Variants in SVEP1 observed in about 807,000 individuals in gnomAD.
SVEP1 encodes sushi, von Willebrand factor type A, EGF and pentraxin domain containing 1.
In SVEP1, 164 loss-of-function variants were observed where a neutral mutation model predicts 367.3. That is an observed-to-expected ratio of 0.45 (90% confidence interval 0.39 to 0.51). SVEP1 has a LOEUF of 0.51. Ranked by LOEUF, SVEP1 falls within the 20% of genes least tolerant of loss-of-function variation. The pLI is 0.00. For missense variants in SVEP1, 4,117 were observed against 4,425.3 expected (o/e 0.93, Z 1.98); for synonymous variants, 1,666 against 1,611.6 (o/e 1.03, Z -0.81).
At chr9:110,397,879 G>A (rs927988842) in intron 40 of SVEP1, among the ~76,000 whole-genome samples, 1 of 152,132 alleles carries the variant, frequency 6.6e-6, no homozygotes, top group African/African-American at 2.4e-5. Context: ...CATGCTCATG[G>A]GTAGGAAGAA....
intron 44 of SVEP1, among the ~76,000 whole-genome samples, chr9:110,377,914 C>T (rs552936798): frequency 7.6e-6 from 1 of 131,858 alleles, no homozygotes; most frequent in Admixed American, 7.7e-5. Flanking sequence ...CTACTCTCTG[C>T]TTCTATGAGT....
intron 5 of SVEP1, among the ~76,000 whole-genome samples, chr9:110,504,020 TTTTTATTTTA>T (rs36224388): frequency 9.4e-4 from 139 of 148,536 alleles, no homozygotes; most frequent in Non-Finnish European, 1.1e-3. Context: ...GCTTTTTATT[TTTTTATTTTA>T]TTTTATTTTA....
chr9:110,407,667 A>G lies in SVEP1; in HGVS notation c.7933T>C (p.Tyr2645His), dbSNP rs1588038511. ...TGATAAGGAGGGTGAGGAGTCACAT[A>G]TGGAACTTCCATCATGTCGTCTTCT... ...EQEDDMMEVPYVTPHPPYHLG... is the reference protein window; with the variant it reads ...EQEDDMMEVPHVTPHPPYHLG... The change falls in exon 38 of 48, where the codon TAT becomes CAT. Residue 2645 changes from tyrosine to histidine, a missense_variant. By Grantham distance (83) the Tyr-to-His change is moderately conservative (BLOSUM62 2). Coordinates refer to ENST00000374469, the MANE Select transcript of SVEP1 (RefSeq NM_153366.4). 1 of 1,613,988 alleles carries G rather than the reference A, an allele frequency of 6.2e-7. No individual in the cohort carries two copies. Among genetic ancestry groups the G allele is most frequent in the Non-Finnish European group, 8.5e-7 (1 of 1,179,890 alleles).
At chr9:110,459,748 C>T (rs80155983) in intron 18 of SVEP1, among the ~76,000 whole-genome samples, 2,929 of 152,130 alleles carry the variant, frequency 0.019, 36 homozygotes, top group Middle Eastern at 0.031. Flanking sequence ...TGAAATCACT[C>T]TTTTCACTAC....
chr9:110,562,289 T>C (rs939459135), intron 1 of SVEP1, among the ~76,000 whole-genome samples: 1 of 151,822 alleles, frequency 6.6e-6, no homozygotes, highest in African/African-American at 2.4e-5. Flanking sequence ...AAATGACCTA[T>C]CATTCTTAAA....
At chr9:110,488,472 T>C (rs1829318905) in intron 9 of SVEP1, among the ~76,000 whole-genome samples, 1 of 151,648 alleles carries the variant, frequency 6.6e-6, no homozygotes, top group Non-Finnish European at 1.5e-5. Context: ...TAAAGAAGGT[T>C]AGGTAAAAAT....
intron 6 of SVEP1, among the ~76,000 whole-genome samples, chr9:110,499,894 C>G (rs10980411): frequency 6.6e-6 from 1 of 152,170 alleles, no homozygotes; most frequent in African/African-American, 2.4e-5. Context: ...GGCAGCATTA[C>G]TCACATTTTT....
At chr9:110,466,123 CAGA>C in intron 17 of SVEP1, 97 bp from the exon 18 acceptor site, 1 of 1,289,684 alleles carries the variant, frequency 7.8e-7, no homozygotes, top group Non-Finnish European at 1.0e-6. Flanking sequence ...TAGTTTAGGA[CAGA>C]AGGACAGAAT....
intron 36 of SVEP1, among the ~76,000 whole-genome samples, chr9:110,416,004 T>C (rs10817016): frequency 0.27 from 41,422 of 151,736 alleles, 6,103 homozygotes; most frequent in Non-Finnish European, 0.31. Context: ...GATAAATTAA[T>C]GTAAAATTAG....
Position 110,404,668 on chromosome 9 carries a change from ATTGTTG to A in SVEP1, c.9441-122_9441-117del. 4.4e-6 allele frequency: 4 copies of A among 912,246 alleles called. No individual in the cohort carries two copies. The Admixed American group carries it at 8.1e-5, about 18-fold the overall frequency. The allele number at this position is 912,246 out of a possible 1,614,324, so 56.5% of individuals were successfully genotyped here. Reference sequence around the variant, plus strand: ...AGTAGATATTTTGTGCAACATATTGATTGTTGCACAATCAATATGTCAGGCGGATGG... The same window carrying A: ...AGTAGATATTTTGTGCAACATATTGACACAATCAATATGTCAGGCGGATGG... On this transcript the variant is annotated intron_variant, in intron 38 of 47. Coordinates refer to ENST00000374469, the MANE Select transcript of SVEP1 (RefSeq NM_153366.4).
chr9:110,504,756 C>T (rs1332878758), intron 5 of SVEP1, among the ~76,000 whole-genome samples: 2 of 152,164 alleles, frequency 1.3e-5, no homozygotes, highest in Non-Finnish European at 2.9e-5. Flanking sequence ...TTCTGCCCAG[C>T]ATTTGGGTCC....
At chr9:110,446,378 T>C (rs1828600257) in intron 25 of SVEP1, among the ~76,000 whole-genome samples, 1 of 152,138 alleles carries the variant, frequency 6.6e-6, no homozygotes, top group Admixed American at 6.5e-5. Flanking sequence ...GAGGAAGTAA[T>C]TGATGTCACA....
intron 3 of SVEP1, among the ~76,000 whole-genome samples, chr9:110,531,092 A>G (rs1830012706): frequency 6.6e-6 from 1 of 152,184 alleles, no homozygotes. Flanking sequence ...TTCCAAGTGA[A>G]TGATAATATG....
intron 8 of SVEP1, among the ~76,000 whole-genome samples, chr9:110,493,675 T>A (rs1388621183): frequency 6.6e-6 from 1 of 152,098 alleles, no homozygotes; most frequent in Non-Finnish European, 1.5e-5. Context: ...GAGGCTGCAG[T>A]GAGCCGAGAT....
rs1426499695 is a variant in SVEP1, at chr9:110,385,957, T to C, written c.10178A>G (p.His3393Arg). Reference protein sequence around the residue: ...KCREGFLLQGHGIITCNPDET... With the variant: ...KCREGFLLQGRGIITCNPDET... The stretch of plus-strand genomic sequence containing the variant: ...GTCGGGGTTGCAGGTAATGATGCCG[T>C]GGCCCTGCAGCAGAAAACCTTCCCT... Residue 3393 changes from histidine (H) to arginine (R), a missense_variant, in exon 43 of 48, where the codon CAC becomes CGC. His to Arg is a conservative substitution (Grantham distance 29). Transcript: ENST00000374469. The C allele has an allele frequency of 6.2e-7, 1 of 1,613,972 alleles. No individual in the cohort carries two copies. The highest frequency in any genetic ancestry group is 2.2e-5 in the East Asian group (1 of 44,870).
At chr9:110,381,123 G>A (rs1564123897) in intron 43 of SVEP1, among the ~76,000 whole-genome samples, 2 of 151,068 alleles carry the variant, frequency 1.3e-5, no homozygotes, top group Non-Finnish European at 3.0e-5. Flanking sequence ...ATTAGCTAGT[G>A]GTCTATTTTA....
chr9:110,469,645 A>C (rs1330389998), intron 16 of SVEP1, among the ~76,000 whole-genome samples: 1 of 152,224 alleles, frequency 6.6e-6, no homozygotes, highest in Admixed American at 6.5e-5. Context: ...TACCAAAGTT[A>C]ATATCCTTAA....
At position 110,371,131 on chromosome 9, in the gene SVEP1, C is replaced by T. The variant is rs1322816628; in HGVS notation, c.10601-1115G>A. Among the ~76,000 whole-genome samples the T allele has an allele frequency of 2.0e-5, 3 of 152,048 alleles. No individual in the cohort carries two copies. The East Asian group carries it at 5.8e-4, about 29-fold the overall frequency. ...TGGTAAGTTAAGAGTAAGAGCTGGC[C>T]AGCAGAATACACTTATTAGCAATCT... On this transcript the variant is annotated intron_variant, in intron 46 of 47. Transcript: ENST00000374469.
At chr9:110,531,243 G>C (rs1436401099) in intron 3 of SVEP1, among the ~76,000 whole-genome samples, 1 of 152,112 alleles carries the variant, frequency 6.6e-6, no homozygotes, top group African/African-American at 2.4e-5. Flanking sequence ...TATAGCTCAT[G>C]ATTTACTTTC....
Sources: gnomAD v4.1 joint callset for allele counts (sites outside exome capture counted in the v4.1 genomes callset) on GRCh38, gnomAD v4.1.1 for gene constraint, MANE v1.5 for transcripts, NCBI Gene and HGNC (gene_info 2026-07-23, HGNC 2026-07-21) for gene names.